Variants in LRP1B observed in about 807,000 individuals in gnomAD.
LRP1B encodes the protein low-density lipoprotein receptor-related protein 1B.
LRP1B carries 217 observed loss-of-function variants against 556.6 expected under a neutral mutation model. The ratio of observed to expected loss-of-function variants is 0.39; its 90% CI spans 0.35 to 0.44. The LOEUF (loss-of-function observed/expected upper bound fraction) is 0.44, where lower values mean the gene tolerates loss of function less well. Among genes scored for constraint, LRP1B ranks in the 20% least tolerant of loss-of-function variants. The probability of loss-of-function intolerance (pLI) is 1.00; values close to 1 mark genes in which losing one functional copy is unlikely to be tolerated. For missense variants in LRP1B, 5,053 were observed against 5,620.8 expected, an observed-to-expected ratio of 0.90 and a Z score of 3.23; for synonymous variants, 2,047 against 1,865.8, an observed-to-expected ratio of 1.10 and a Z score of -2.50.
At chr2:142,057,499 G>T (rs1000186938) in intron 1 of LRP1B, among the ~76,000 whole-genome samples, 1 of 152,054 alleles carries the variant, frequency 6.6e-6, no homozygotes. Context: ...AATGCCGCTG[G>T]GGAAAAAATA....
chr2:141,235,255 ATTAAT>A (rs906152949), intron 5 of LRP1B, among the ~76,000 whole-genome samples: 1 of 152,060 alleles, frequency 6.6e-6, no homozygotes, highest in Non-Finnish European at 1.5e-5. Context: ...TAATTAATTA[ATTAAT>A]TTATCTAGTA....
intron 7 of LRP1B, among the ~76,000 whole-genome samples, chr2:141,153,143 C>A (rs996158475): frequency 8.2e-5 from 12 of 146,206 alleles, no homozygotes; most frequent in South Asian, 2.1e-4. Context: ...TTCCATTTAA[C>A]TTATACTACC....
chr2:141,010,092 G>C (rs1414108984), intron 14 of LRP1B, among the ~76,000 whole-genome samples: 1 of 151,984 alleles, frequency 6.6e-6, no homozygotes, highest in Admixed American at 6.6e-5. Context: ...AACAATTACA[G>C]CTAGTTCTTA....
Position 140,665,020 on chromosome 2 carries a change from T to C in LRP1B, c.6799+35230A>G, listed in dbSNP as rs1323479173. Among the ~76,000 whole-genome samples the C allele has an allele frequency of 2.0e-5, 3 of 152,244 alleles. No individual in the cohort carries two copies. The East Asian group carries it at 5.8e-4, about 29-fold the overall frequency. ...CCAAATTAAGGCTATTTGATAGGAA[T>C]TAATAATTTGTATCTTACCTTTAGA... On this transcript the variant is annotated intron_variant, in intron 41 of 90. Coordinates refer to ENST00000389484, the MANE Select transcript of LRP1B (RefSeq NM_018557.3).
At chr2:141,291,615 G>T (rs1270390428) in intron 3 of LRP1B, among the ~76,000 whole-genome samples, 1 of 151,984 alleles carries the variant, frequency 6.6e-6, no homozygotes, top group African/African-American at 2.4e-5. Context: ...CCAGCACTTT[G>T]GGAGGCCGAG....
At chr2:141,109,666 C>CAAA (rs34120181) in intron 7 of LRP1B, among the ~76,000 whole-genome samples, 1,455 of 134,472 alleles carry the variant, frequency 0.011, 19 homozygotes, top group African/African-American at 0.026. Context: ...TACAACCTTG[C>CAAA]AAAAAAAAAA....
chr2:141,562,154 A>T (rs1318826241), intron 2 of LRP1B, among the ~76,000 whole-genome samples: 2 of 151,928 alleles, frequency 1.3e-5, no homozygotes, highest in African/African-American at 2.4e-5. Context: ...AAAGAGGAAA[A>T]AGGATGTATA....
chr2:141,629,479 C>T (rs553690934), intron 2 of LRP1B, among the ~76,000 whole-genome samples: 1 of 152,242 alleles, frequency 6.6e-6, no homozygotes, highest in East Asian at 1.9e-4. Context: ...TGTATCCTGA[C>T]CCTTGCACAA....
At chr2:140,978,500 A>T (rs1055687992) in intron 18 of LRP1B, among the ~76,000 whole-genome samples, 2 of 152,162 alleles carry the variant, frequency 1.3e-5, no homozygotes, top group Non-Finnish European at 1.5e-5. Flanking sequence ...CAAAAGCAAA[A>T]TATGGCCAGT....
chr2:140,798,657 G>T (rs1025260395), intron 32 of LRP1B, among the ~76,000 whole-genome samples: 1 of 152,116 alleles, frequency 6.6e-6, no homozygotes, highest in Non-Finnish European at 1.5e-5. Flanking sequence ...TCCTGTCCCT[G>T]TGCCTTGTAG....
chr2:140,424,488 A>T (rs1024092220), intron 66 of LRP1B, among the ~76,000 whole-genome samples: 2 of 152,210 alleles, frequency 1.3e-5, no homozygotes, highest in African/African-American at 4.8e-5. Context: ...GCTTATAGAA[A>T]ATTCACGAGC....
intron 47 of LRP1B, among the ~76,000 whole-genome samples, chr2:140,532,422 G>A (rs1156791736): frequency 6.6e-6 from 1 of 151,704 alleles, no homozygotes; most frequent in African/African-American, 2.4e-5. Context: ...GGGGGGTATG[G>A]AGTCTCACTC....
chr2:142,033,821 TA>T (rs1391643427), intron 1 of LRP1B, among the ~76,000 whole-genome samples: 3 of 143,798 alleles, frequency 2.1e-5, no homozygotes, highest in African/African-American at 7.3e-5. Flanking sequence ...TTGTGTTCTA[TA>T]ATAATAATTC....
chr2:141,155,899 A>G (rs2105097052), intron 7 of LRP1B, among the ~76,000 whole-genome samples: 1 of 152,284 alleles, frequency 6.6e-6, no homozygotes, highest in South Asian at 2.1e-4. Context: ...CAACTTGTGT[A>G]AAGTAATTAA....
Position 141,077,968 on chromosome 2 carries a change from A to ATTT in LRP1B, c.1014-15698_1014-15696dup, listed in dbSNP as rs76152375. Among the ~76,000 whole-genome samples the ATTT allele has an allele frequency of 4.2e-3, 595 of 143,100 alleles. 6 individuals carry two copies. The highest frequency in any genetic ancestry group is 0.013 in the East Asian group (64 of 4,878). 93.9% of individuals were successfully genotyped at this position (143,100 alleles called of 152,430 possible). On this transcript the variant is annotated intron_variant, in intron 7 of 90. Coordinates refer to ENST00000389484, the MANE Select transcript of LRP1B (RefSeq NM_018557.3). ...CAGAACTTGAGAGCTTCAGGTAGGA[A>ATTT]TTTTTTTTTTTTTTTTAACTATTGG...
chr2:141,862,331 G>A (rs957334044), intron 1 of LRP1B, among the ~76,000 whole-genome samples: 1 of 151,992 alleles, frequency 6.6e-6, no homozygotes, highest in South Asian at 2.1e-4. Flanking sequence ...TACCACTGTG[G>A]TTTTCTCATT....
intron 31 of LRP1B, among the ~76,000 whole-genome samples, chr2:140,818,814 G>C (rs1413970230): frequency 6.6e-6 from 1 of 151,986 alleles, no homozygotes; most frequent in African/African-American, 2.4e-5. Context: ...TCACACGCCT[G>C]TAGTTGTAGC....
chr2:140,484,549 A>C (rs1688386631), intron 59 of LRP1B, among the ~76,000 whole-genome samples: 1 of 152,190 alleles, frequency 6.6e-6, no homozygotes, highest in Non-Finnish European at 1.5e-5. Context: ...TATTTTACCA[A>C]GTATGTTGAG....
intron 60 of LRP1B, among the ~76,000 whole-genome samples, chr2:140,469,644 C>G (rs1211151627): frequency 1.3e-5 from 2 of 152,126 alleles, no homozygotes; most frequent in Non-Finnish European, 2.9e-5. Flanking sequence ...CTGTCCAATA[C>G]TTGAATCAAT....
Sources: allele counts gnomAD v4.1 joint callset (sites outside exome capture counted in the v4.1 genomes callset), GRCh38; gene constraint gnomAD v4.1.1; transcripts MANE v1.5; gene names NCBI Gene and HGNC (gene_info 2026-07-23, HGNC 2026-07-21).